The following TEX11 variants were observed in gnomAD, a reference collection of about 807,000 sequenced individuals.
The protein encoded by TEX11 is testis-expressed protein 11.
TEX11 carries 7 observed loss-of-function variants against 84.4 expected under a neutral mutation model. The observed-to-expected ratio is 0.08, with a 90% confidence interval of 0.05 to 0.16. The LOEUF (loss-of-function observed/expected upper bound fraction) is 0.16. TEX11 is among the 10% of genes least tolerant of loss of function. TEX11 has a pLI of 1.00. For missense variants in TEX11, 551 were observed against 660.5 expected (o/e 0.83, Z 1.82); for synonymous variants, 264 against 222.8 (o/e 1.18, Z -1.64).
chrX:70,780,393 G>A (rs74587928), intron 9 of TEX11, among the ~76,000 whole-genome samples: 8,545 of 112,579 alleles, frequency 0.076, 492 homozygotes, highest in Admixed American at 0.28. Context: ...CGTGATCGAC[G>A]CAGAAGATGG....
intron 25 of TEX11, among the ~76,000 whole-genome samples, chrX:70,578,598 C>T (rs1044309799): frequency 1.8e-5 from 2 of 110,669 alleles, no homozygotes; most frequent in Non-Finnish European, 3.8e-5. Context: ...AGGCTTTGAC[C>T]TCACATTGTG....
At chrX:70,532,331 T>C (rs1203376742) in intron 28 of TEX11, among the ~76,000 whole-genome samples, 1 of 112,130 alleles carries the variant, frequency 8.9e-6, no homozygotes, top group Admixed American at 9.5e-5. Flanking sequence ...GCACTGAAAC[T>C]TTTTGAGAAG....
the TEX11 span, among the ~76,000 whole-genome samples, chrX:70,516,771 T>C: frequency 9.0e-6 from 1 of 110,824 alleles, no homozygotes; most frequent in Non-Finnish European, 1.9e-5. Context: ...TGTTCTTCCA[T>C]TTGTTTGTAT....
At chrX:70,652,053 C>A (rs1010496151) in intron 16 of TEX11, among the ~76,000 whole-genome samples, 1 of 111,093 alleles carries the variant, frequency 9.0e-6, no homozygotes, top group South Asian at 3.8e-4. Flanking sequence ...CAAAAGTAAA[C>A]CCACTCCTAC....
intron 25 of TEX11, among the ~76,000 whole-genome samples, chrX:70,562,595 T>A (rs1014778253): frequency 9.8e-5 from 11 of 112,293 alleles, no homozygotes; most frequent in African/African-American, 3.6e-4. Context: ...GGCTATGTAG[T>A]TCATTCGTAA....
chrX:70,777,597 C>T (rs753457302), intron 9 of TEX11, among the ~76,000 whole-genome samples: 6 of 111,544 alleles, frequency 5.4e-5, no homozygotes, highest in South Asian at 3.7e-4. Context: ...TGCGGTGAGC[C>T]GATATCACAT....
intron 2 of TEX11, among the ~76,000 whole-genome samples, chrX:70,884,097 C>G (rs1436619304): frequency 1.8e-5 from 2 of 112,368 alleles, no homozygotes; most frequent in Non-Finnish European, 3.8e-5. Flanking sequence ...ATATTGCTTT[C>G]CAGTCTCGAA....
intron 13 of TEX11, among the ~76,000 whole-genome samples, chrX:70,711,607 A>G (rs2090434618): frequency 8.9e-6 from 1 of 112,052 alleles, no homozygotes; most frequent in African/African-American, 3.2e-5. Flanking sequence ...GTGTCCATTC[A>G]TATCCTTTGC....
intron 24 of TEX11, among the ~76,000 whole-genome samples, chrX:70,595,336 C>T (rs1042670870): frequency 1.8e-5 from 2 of 111,406 alleles, no homozygotes; most frequent in African/African-American, 6.5e-5. Flanking sequence ...CTGCCCACCT[C>T]GGCCTCCCAA....
chrX:70,903,820 A>G lies in TEX11; in HGVS notation c.37+3933T>C, dbSNP rs1008237232. 6.5e-5 allele frequency among the ~76,000 whole-genome samples: 7 copies of G among 108,194 alleles called. 1 individual carries two copies. Among genetic ancestry groups the G allele is most frequent in the African/African-American group, 2.0e-4 (6 of 29,551 alleles). 94.0% of individuals were successfully genotyped at this position (108,194 alleles called of 115,157 possible). A position where few individuals can be genotyped will look rare whatever the true frequency, so the allele number is the denominator to read the frequency against. On this transcript the variant is annotated intron_variant, in intron 2 of 29. Transcript: ENST00000374333. ...GGTGTAATTATCTAGACAAATTTCTATTCCTTCCTGGTCTTGAATTTTTTT... is the reference window on the plus strand; with the variant it reads ...GGTGTAATTATCTAGACAAATTTCTGTTCCTTCCTGGTCTTGAATTTTTTT...
chrX:70,566,449 G>A (rs2088480234), intron 25 of TEX11, among the ~76,000 whole-genome samples: 1 of 109,966 alleles, frequency 9.1e-6, no homozygotes, highest in East Asian at 2.8e-4. Context: ...ATGTTGAATA[G>A]GAGTGGTGAG....
At chrX:70,683,450 G>T (rs1214147680) in intron 13 of TEX11, among the ~76,000 whole-genome samples, 1 of 111,167 alleles carries the variant, frequency 9.0e-6, no homozygotes, top group Non-Finnish European at 1.9e-5. Context: ...GGGCAAGATG[G>T]CAAAAGCCTG....
intron 11 of TEX11, among the ~76,000 whole-genome samples, chrX:70,732,814 A>G (rs980255698): frequency 6.3e-5 from 7 of 111,896 alleles, no homozygotes; most frequent in Non-Finnish European, 1.3e-4. Flanking sequence ...TAAAGTTCCT[A>G]TGGAACCAAA....
chrX:70,526,245 GAATA>G (rs1182144627), downstream of TEX11, among the ~76,000 whole-genome samples: 1 of 111,872 alleles, frequency 8.9e-6, no homozygotes, highest in Non-Finnish European at 1.9e-5. Flanking sequence ...GAGAAAGCTA[GAATA>G]AATCCACTGG....
rs1232757758 is a variant in TEX11 at position 70,589,428 on chromosome X, T to C, written c.2140+2323A>G. The stretch of plus-strand genomic sequence containing the variant: ...AGAGGCATTTATCTCTATCTCACTA[T>C]ATCTCTCTATCTACTCTATCTATAG... On this transcript the variant is annotated intron_variant, in intron 25 of 29. Transcript: ENST00000374333. 2.9e-5 allele frequency among the ~76,000 whole-genome samples: 3 copies of C among 105,144 alleles called. No homozygotes were observed. In the East Asian group the frequency reaches 8.4e-4, roughly 30 times the overall value. 91.3% of individuals were successfully genotyped at this position (105,144 alleles called of 115,157 possible). A position where few individuals can be genotyped will look rare whatever the true frequency, so the allele number is the denominator to read the frequency against.
At chrX:70,560,155 C>A (rs1247929606) in intron 25 of TEX11, among the ~76,000 whole-genome samples, 1 of 101,895 alleles carries the variant, frequency 9.8e-6, no homozygotes, top group Non-Finnish European at 2.0e-5. Flanking sequence ...CCATTCAATT[C>A]TTTTTTTTTT....
chrX:70,679,686 G>T (rs1449216775), intron 14 of TEX11, among the ~76,000 whole-genome samples: 1 of 109,687 alleles, frequency 9.1e-6, no homozygotes, highest in African/African-American at 3.3e-5. Context: ...CGTCTGGGAA[G>T]TGAGGAGCGT....
intron 9 of TEX11, among the ~76,000 whole-genome samples, chrX:70,763,159 G>T (rs1701363434): frequency 8.9e-6 from 1 of 112,453 alleles, no homozygotes; most frequent in Non-Finnish European, 1.9e-5. Flanking sequence ...CATTTTTATA[G>T]CAGCACAATT....
chrX:70,612,202 G>A (rs749913409), intron 20 of TEX11, among the ~76,000 whole-genome samples: 1 of 110,292 alleles, frequency 9.1e-6, no homozygotes, highest in East Asian at 2.8e-4. Context: ...ATTACTAAAG[G>A]CCTATTTATT....
Sources: allele counts gnomAD v4.1 joint callset (sites outside exome capture counted in the v4.1 genomes callset), GRCh38; gene constraint gnomAD v4.1.1; transcripts MANE v1.5; gene names NCBI Gene and HGNC (gene_info 2026-07-23, HGNC 2026-07-21).